XKR4: variants seen among roughly 807,000 people sequenced by gnomAD.
XKR4 encodes the protein XK-related protein 4.
A neutral mutation model predicts 53.9 loss-of-function variants in XKR4; 12 were observed. That is an observed-to-expected ratio of 0.22 (90% CI 0.14 to 0.36). The LOEUF (loss-of-function observed/expected upper bound fraction) is 0.36. XKR4 is among the 10% of genes least tolerant of loss of function. The pLI is 1.00. For synonymous variants in XKR4, 354 were observed against 362.4 expected (o/e 0.98, Z 0.26); for missense variants, 799 against 859.5 (o/e 0.93, Z 0.88).
At chr8:55,327,752 T>C (rs2129380309) in intron 1 of XKR4, among the ~76,000 whole-genome samples, 1 of 152,328 alleles carries the variant, frequency 6.6e-6, no homozygotes. Context: ...CAGAAGAATT[T>C]AGCAAAATAT....
At chr8:55,373,824 TA>T (rs1804110155) in intron 2 of XKR4, among the ~76,000 whole-genome samples, 1 of 152,194 alleles carries the variant, frequency 6.6e-6, no homozygotes, top group Non-Finnish European at 1.5e-5. Context: ...TTTTTTTTTT[TA>T]ATGTTTTGTG....
intron 2 of XKR4, among the ~76,000 whole-genome samples, chr8:55,429,740 A>G (rs528086357): frequency 6.6e-5 from 10 of 152,156 alleles, no homozygotes; most frequent in African/African-American, 1.9e-4. Context: ...CTGGAAAAAA[A>G]AAAAGAAAAG....
At chr8:55,180,780 G>T (rs112963402) in intron 1 of XKR4, among the ~76,000 whole-genome samples, 2,725 of 152,200 alleles carry the variant, frequency 0.018, 92 homozygotes, top group African/African-American at 0.06. Context: ...TGTTCCACCC[G>T]CCTTGGCCTC....
intron 2 of XKR4, among the ~76,000 whole-genome samples, chr8:55,518,303 A>T (rs1423512375): frequency 6.6e-6 from 1 of 152,194 alleles, no homozygotes; most frequent in South Asian, 2.1e-4. Flanking sequence ...ATAAAGAACC[A>T]TGCAAATCTT....
chr8:55,358,413 A>T (rs1651890903), intron 2 of XKR4, among the ~76,000 whole-genome samples: 1 of 152,186 alleles, frequency 6.6e-6, no homozygotes, highest in Admixed American at 6.5e-5. Context: ...GGAAAAAAAA[A>T]ATTTGTGAAT....
intron 1 of XKR4, among the ~76,000 whole-genome samples, chr8:55,227,424 C>T (rs914654412): frequency 2.0e-5 from 3 of 152,172 alleles, no homozygotes; most frequent in South Asian, 2.1e-4. Context: ...CTCCCAATGA[C>T]GTTGCTTGGT....
intron 2 of XKR4, among the ~76,000 whole-genome samples, chr8:55,434,272 T>C (rs563030815): frequency 6.6e-6 from 1 of 152,214 alleles, no homozygotes; most frequent in Admixed American, 6.5e-5. Context: ...ACGAAGGGAG[T>C]CTTTGTAGTT....
intron 1 of XKR4, among the ~76,000 whole-genome samples, chr8:55,255,331 T>A (rs1818422779): frequency 6.6e-6 from 1 of 152,158 alleles, no homozygotes; most frequent in Admixed American, 6.5e-5. Flanking sequence ...TACAACAGTA[T>A]ACAATGAGGA....
intron 1 of XKR4, among the ~76,000 whole-genome samples, chr8:55,235,026 T>A (rs963122400): frequency 6.6e-6 from 1 of 152,228 alleles, no homozygotes; most frequent in Non-Finnish European, 1.5e-5. Flanking sequence ...CAACTTATTC[T>A]TTCACAGCTC....
chr8:55,464,839 A>C (rs1805732295), intron 2 of XKR4, among the ~76,000 whole-genome samples: 2 of 152,168 alleles, frequency 1.3e-5, no homozygotes. Context: ...TTATACACCA[A>C]AAACAGACAA....
intron 2 of XKR4, among the ~76,000 whole-genome samples, chr8:55,476,759 C>A (rs1460712204): frequency 1.3e-5 from 2 of 152,102 alleles, no homozygotes; most frequent in Admixed American, 6.5e-5. Context: ...GCACCTGGCT[C>A]AGAGGGTCCT....
chr8:55,411,365 C>A (rs1016704304), intron 2 of XKR4, among the ~76,000 whole-genome samples: 10 of 152,194 alleles, frequency 6.6e-5, no homozygotes, highest in Admixed American at 5.2e-4. Flanking sequence ...CAGAGCCTGG[C>A]ACATTTACGT....
At chr8:55,217,711 A>G (rs904372318) in intron 1 of XKR4, among the ~76,000 whole-genome samples, 5 of 152,038 alleles carry the variant, frequency 3.3e-5, no homozygotes, top group Non-Finnish European at 7.4e-5. Flanking sequence ...CCTTTTTTAC[A>G]GAGTTCAAAA....
chr8:55,175,775 AAG>A (rs1817223430), intron 1 of XKR4, among the ~76,000 whole-genome samples: 1 of 152,226 alleles, frequency 6.6e-6, no homozygotes, highest in Non-Finnish European at 1.5e-5. Flanking sequence ...ATTTATAGAG[AAG>A]ACCATATCAG....
At chr8:55,512,516 G>T (rs2063027) in intron 2 of XKR4, among the ~76,000 whole-genome samples, 1 of 152,078 alleles carries the variant, frequency 6.6e-6, no homozygotes, top group South Asian at 2.1e-4. Context: ...CTTAGTACAC[G>T]GGTTCTCTCT....
chr8:55,498,915 G>A (rs1165185706), intron 2 of XKR4, among the ~76,000 whole-genome samples: 1 of 152,188 alleles, frequency 6.6e-6, no homozygotes, highest in African/African-American at 2.4e-5. Context: ...TGAGGAAATT[G>A]GGACTCAGAG....
At chr8:55,379,441 A>G (rs961983958) in intron 2 of XKR4, among the ~76,000 whole-genome samples, 2 of 152,262 alleles carry the variant, frequency 1.3e-5, no homozygotes, top group South Asian at 4.1e-4. Flanking sequence ...TTGCAACATC[A>G]GGAAGCTAGA....
At chr8:55,265,694 TCCTGGCTGGGCACGATGGCTCTTG>T (rs1818589338) in intron 1 of XKR4, among the ~76,000 whole-genome samples, 1 of 151,512 alleles carries the variant, frequency 6.6e-6, no homozygotes, top group Non-Finnish European at 1.5e-5. Flanking sequence ...CTATAAAAAT[TCCTGGCTGGGCACGATGGCTCTTG>T]CCTGTAATCC....
rs1352927905 is a variant in XKR4 at position 55,303,740 on chromosome 8, C to A, written c.807-53938C>A. Among the ~76,000 whole-genome samples, 4 of 152,234 alleles carry A rather than the reference C, an allele frequency of 2.6e-5. No homozygotes were observed. In the East Asian group the frequency reaches 7.7e-4, roughly 29 times the overall value. On this transcript the variant is annotated intron_variant, in intron 1 of 2. Coordinates refer to ENST00000327381, the MANE Select transcript of XKR4 (RefSeq NM_052898.2). ...TTTAGTCTTGGGAGGGTGTATGTGT[C>A]GAGGAATTTATCCATTTCTTCTAGA... is the stretch of plus-strand genomic sequence containing the variant.
Sources: gnomAD v4.1 joint callset for allele counts (sites outside exome capture counted in the v4.1 genomes callset) on GRCh38, gnomAD v4.1.1 for gene constraint, MANE v1.5 for transcripts, NCBI Gene and HGNC (gene_info 2026-07-23, HGNC 2026-07-21) for gene names.